The following PCBP3 variants were observed in gnomAD, a reference collection of about 807,000 sequenced individuals.
The protein encoded by PCBP3 is poly(rC) binding protein 3.
In PCBP3, 25 loss-of-function variants were observed where a neutral mutation model predicts 52.7. The ratio of observed to expected loss-of-function variants is 0.47; its 90% CI spans 0.35 to 0.66. The LOEUF is 0.66. Ranked by LOEUF, PCBP3 falls within the 30% of genes least tolerant of loss-of-function variation. The pLI, the probability that PCBP3 is intolerant of heterozygous loss-of-function variation, is 0.01. For synonymous variants in PCBP3, 162 were observed against 183.0 expected (o/e 0.89, Z 0.93); for missense variants, 391 against 490.3 (o/e 0.80, Z 1.91).
chr21:45,909,513 G>A lies in PCBP3; in HGVS notation c.471+27G>A, dbSNP rs200185743. ...TAACAGGACCTTCCCAGCCTGGGCC[G>A]CTGCGGAGCCTCTAGGCGGGCTGCG... On this transcript the variant is annotated intron_variant, in intron 10 of 17. Transcript: ENST00000681687. 3.2e-3 allele frequency: 5,183 copies of A among 1,606,728 alleles called. 11 individuals are homozygous for A. The highest frequency in any genetic ancestry group is 4.1e-3 in the Non-Finnish European group (4,845 of 1,176,938).
chr21:45,687,620 C>A (rs1807047387), intron 2 of PCBP3, among the ~76,000 whole-genome samples: 1 of 151,914 alleles, frequency 6.6e-6, no homozygotes, highest in Non-Finnish European at 1.5e-5. Context: ...AAAAACAAGA[C>A]CCAACAATAT....
At position 45,805,661 on chromosome 21, in the gene PCBP3, A is replaced by G. The variant is rs9306142; in HGVS notation, c.-125-44300A>G. Among the ~76,000 whole-genome samples, 119,988 of 152,150 alleles carry G rather than the reference A, an allele frequency of 0.79. 48,244 individuals carry two copies. Among genetic ancestry groups the G allele is most frequent in the African/African-American group, 0.95 (39,577 of 41,558 alleles). On this transcript the variant is annotated intron_variant, in intron 4 of 17. Transcript: ENST00000681687. The surrounding 1 kb of genome is among the most constrained non-coding windows in gnomAD (Gnocchi z 4.6). The stretch of plus-strand genomic sequence containing the variant: ...GGGGCAAGCACATTTTCACAGGGAG[A>G]GTGTGACTGGAAGGACCAGCCGTTG...
In PCBP3 at chr21:45,735,796, C is replaced by T. The variant is rs543562951; in HGVS notation, c.-162+367C>T. Among the ~76,000 whole-genome samples, 20 of 152,324 alleles carry T rather than the reference C, an allele frequency of 1.3e-4. No homozygotes were observed. Among genetic ancestry groups the T allele is most frequent in the South Asian group, 6.2e-4 (3 of 4,830 alleles). ...GCACGAGCCTACCGCACAAGCCTAC[C>T]GCACGCCTTTGTTCTTGTGCCAACA... On this transcript the variant is annotated intron_variant, in intron 3 of 17. Coordinates refer to ENST00000681687, the MANE Select transcript of PCBP3 (RefSeq NM_001384156.1). The surrounding 1 kb of genome is among the most constrained non-coding windows in gnomAD (Gnocchi z 4.0).
chr21:45,899,409 G>A (rs535898507), intron 6 of PCBP3, among the ~76,000 whole-genome samples, 190 bp from the exon 7 acceptor site: 70 of 152,178 alleles, frequency 4.6e-4, no homozygotes, highest in African/African-American at 1.6e-3. Flanking sequence ...GCCTCTGTAT[G>A]GGCAGCCTGG....
rs765265602 is a variant in PCBP3, at chr21:45,910,871, G to A, written c.472-31G>A. The A allele has an allele frequency of 6.4e-5, 101 of 1,572,120 alleles. 3 individuals carry two copies. In the South Asian group the frequency reaches 9.7e-4, roughly 15 times the overall value. ...CTGCTGCCCCATGCGCTGCTACCCTGGTGCTCCCTTCCAATGTCCCCTCTC... is the reference window on the plus strand; with the variant it reads ...CTGCTGCCCCATGCGCTGCTACCCTAGTGCTCCCTTCCAATGTCCCCTCTC... On this transcript the variant is annotated intron_variant, in intron 10 of 17. Transcript: ENST00000681687.
chr21:45,793,940 T>C (rs769885817), intron 4 of PCBP3, among the ~76,000 whole-genome samples: 4 of 152,034 alleles, frequency 2.6e-5, no homozygotes, highest in Non-Finnish European at 4.4e-5. Flanking sequence ...AAGACAACTA[T>C]CTATGAAAGA....
chr21:45,850,381 C>G (rs536085454), intron 5 of PCBP3, among the ~76,000 whole-genome samples: 1 of 152,108 alleles, frequency 6.6e-6, no homozygotes, highest in African/African-American at 2.4e-5. Context: ...GAGCCAGCCC[C>G]GAGAAGCCAA....
chr21:45,661,858 CATT>C (rs954664408), intron 1 of PCBP3, among the ~76,000 whole-genome samples: 5 of 152,270 alleles, frequency 3.3e-5, no homozygotes, highest in South Asian at 4.1e-4. Flanking sequence ...GATGATATCT[CATT>C]GTTGTTTTAA....
rs561289426 is a variant in PCBP3 at position 45,781,602 on chromosome 21, G to T, written c.-126+26150G>T. ...ATCAAACCAAGAGCTTATTAAATAC[G>T]TACCTACCAACATCCCACTAGAAGG... On this transcript the variant is annotated intron_variant, in intron 4 of 17. Transcript: ENST00000681687. Among the ~76,000 whole-genome samples the T allele has an allele frequency of 9.9e-5, 15 of 152,220 alleles. No individual in the cohort carries two copies. The South Asian group carries it at 2.9e-3, about 29-fold the overall frequency.
chr21:45,667,083 TTTCTTTC>T, intron 1 of PCBP3, among the ~76,000 whole-genome samples: 1 of 61,290 alleles, frequency 1.6e-5, no homozygotes, highest in African/African-American at 4.5e-5. Context: ...TTGTTCTTTC[TTTCTTTC>T]TTTCTTTCTT....
intron 2 of PCBP3, among the ~76,000 whole-genome samples, chr21:45,692,459 T>G (rs953254512): frequency 6.6e-6 from 1 of 151,372 alleles, no homozygotes; most frequent in African/African-American, 2.4e-5. Flanking sequence ...TCTCCACAGA[T>G]CCTACAGATA....
intron 11 of PCBP3, among the ~76,000 whole-genome samples, chr21:45,913,600 C>A (rs1388429249): frequency 6.6e-6 from 1 of 152,188 alleles, no homozygotes; most frequent in Non-Finnish European, 1.5e-5. Context: ...GCAAGGGACC[C>A]ACCCCAGCTG....
intron 2 of PCBP3, among the ~76,000 whole-genome samples, chr21:45,671,509 A>G (rs2081171746): frequency 6.6e-6 from 1 of 152,222 alleles, no homozygotes; most frequent in African/African-American, 2.4e-5. Flanking sequence ...CTTGGTCCAC[A>G]GTTAGAGCAA....
Position 45,880,996 on chromosome 21 carries a change from C to T in PCBP3, c.11-15212C>T, listed in dbSNP as rs1163924800. ...CAGCGTCAGGCAGCTCATGCCCAGC[C>T]AAGTGCTCCTGAGTGGACATGCCTG... On this transcript the variant is annotated intron_variant, in intron 5 of 17. Coordinates refer to ENST00000681687, the MANE Select transcript of PCBP3 (RefSeq NM_001384156.1). This position sits in a 1 kb window ranked among gnomAD's most constrained non-coding sequence, Gnocchi z 5.4. Among the ~76,000 whole-genome samples the T allele has an allele frequency of 6.6e-6, 1 of 152,192 alleles. No individual in the cohort carries two copies. The highest frequency in any genetic ancestry group is 1.5e-5 in the Non-Finnish European group (1 of 68,038).
intron 2 of PCBP3, among the ~76,000 whole-genome samples, chr21:45,689,473 C>T (rs2082338463): frequency 1.3e-5 from 2 of 152,022 alleles, no homozygotes; most frequent in African/African-American, 2.4e-5. Context: ...CGACAATTAA[C>T]ATTATACTTC....
intron 2 of PCBP3, among the ~76,000 whole-genome samples, chr21:45,718,065 T>C (rs934948110): frequency 5.3e-4 from 81 of 152,278 alleles, no homozygotes; most frequent in African/African-American, 1.7e-3. Context: ...AGTTTCTGTG[T>C]GTTTCTAGGA....
intron 2 of PCBP3, among the ~76,000 whole-genome samples, chr21:45,722,604 G>C (rs2084731715): frequency 6.6e-6 from 1 of 151,858 alleles, no homozygotes; most frequent in Admixed American, 6.6e-5. Flanking sequence ...TTGTTAAAAG[G>C]CTAAAAACAA....
chr21:45,794,672 G>A (rs1420047172), intron 4 of PCBP3, among the ~76,000 whole-genome samples: 1 of 152,248 alleles, frequency 6.6e-6, no homozygotes, highest in African/African-American at 2.4e-5. Context: ...GCTCACGCCT[G>A]TAATCCCAGC....
intron 16 of PCBP3, among the ~76,000 whole-genome samples, chr21:45,938,253 C>G (rs940340714): frequency 6.6e-6 from 1 of 151,772 alleles, no homozygotes; most frequent in African/African-American, 2.4e-5. Context: ...GCAGACACCA[C>G]GCGCTCCAGC....
Sources: allele counts gnomAD v4.1 joint callset (sites outside exome capture counted in the v4.1 genomes callset), GRCh38; gene constraint gnomAD v4.1.1; non-coding constraint Gnocchi (gnomAD v3.1); transcripts MANE v1.5; gene names NCBI Gene and HGNC (gene_info 2026-07-23, HGNC 2026-07-21).